The following ADAM10 variants were observed in gnomAD, a reference collection of about 807,000 sequenced individuals.
ADAM10 encodes disintegrin and metalloproteinase domain-containing protein 10.
Under a neutral mutation model 90.1 loss-of-function variants are expected in ADAM10, and 17 were observed. That is an observed-to-expected ratio of 0.19 (90% CI 0.13 to 0.28). The LOEUF is 0.28. ADAM10 is among the 10% of genes least tolerant of loss of function. ADAM10 has a pLI of 1.00. For synonymous variants in ADAM10, 310 were observed against 298.6 expected (o/e 1.04, Z -0.40); for missense variants, 610 against 914.3 (o/e 0.67, Z 4.29).
rs1894810019 is a variant in ADAM10 at position 58,590,868 on chromosome 15, A to G, written c.*6679T>C. The G allele has an allele frequency of 6.6e-6, 1 of 152,252 alleles. No individual in the cohort carries two copies. Among genetic ancestry groups the G allele is most frequent in the South Asian group, 2.1e-4 (1 of 4,832 alleles). The allele number at this position is 152,252 out of a possible 1,614,324, so 9.4% of individuals were successfully genotyped here. On this transcript the variant is annotated 3_prime_UTR_variant, in exon 16 of 16. Coordinates refer to ENST00000260408, the MANE Select transcript of ADAM10 (RefSeq NM_001110.4). ...TCATGCAAATGGAACCACTTTTTATATAAGACAACCTACACTCTTATCAAA... is the reference window on the plus strand; with the variant it reads ...TCATGCAAATGGAACCACTTTTTATGTAAGACAACCTACACTCTTATCAAA...
chr15:58,631,059 C>T lies in ADAM10; in HGVS notation c.1176+2137G>A, dbSNP rs112090074. On this transcript the variant is annotated intron_variant, in intron 9 of 15. Transcript: ENST00000260408. ...AGTACCTCCTCTCTCCTTGACCCCA[C>T]GCTCCCACCACCTCCACTCCCACCA... 1.3e-3 allele frequency among the ~76,000 whole-genome samples: 200 copies of T among 152,148 alleles called. 1 individual carries two copies. The highest frequency in any genetic ancestry group is 4.6e-3 in the African/African-American group (191 of 41,516).
intron 4 of ADAM10, chr15:58,672,909 G>T (rs1415151987): frequency 3.3e-5 from 6 of 182,040 alleles, no homozygotes; most frequent in Non-Finnish European, 2.4e-5. Context: ...AGAGAAGAAA[G>T]ATGAAGATGA....
chr15:58,645,979 C>T (rs957368400), intron 6 of ADAM10, 76 bp downstream of exon 6: 2 of 1,530,198 alleles, frequency 1.3e-6, no homozygotes, highest in Non-Finnish European at 1.8e-6. Flanking sequence ...AATACACTAA[C>T]TTAAATTTTT....
chr15:58,747,977 A>G (rs1899845293), intron 1 of ADAM10: 1 of 152,252 alleles, frequency 6.6e-6, no homozygotes, highest in Non-Finnish European at 1.5e-5. Flanking sequence ...AAAGATAGGA[A>G]AACGATTTGT....
chr15:58,631,789 T>A (rs999606528), intron 9 of ADAM10, among the ~76,000 whole-genome samples: 23 of 152,200 alleles, frequency 1.5e-4, no homozygotes, highest in African/African-American at 4.8e-4. Flanking sequence ...TCTCTGCTCA[T>A]CTCTAAAATT....
intron 5 of ADAM10, among the ~76,000 whole-genome samples, chr15:58,651,881 T>TC (rs1378055294): frequency 6.6e-6 from 1 of 152,206 alleles, no homozygotes; most frequent in Admixed American, 6.5e-5. Flanking sequence ...TGTGGCGGTT[T>TC]CCTTTTCCCC....
rs200118061 is a variant in ADAM10 at position 58,610,457 on chromosome 15, C to T, written c.1865G>A (p.Arg622Gln). ...GGATCCAGGTTGCAGGGTGATGGTT[C>T]GACCACTGAAGTGCCTACTCCACTG... is the stretch of plus-strand genomic sequence containing the variant. ...SVQWSRHFSG[R>Q]TITLQPGSPC... Residue 622 changes from arginine to glutamine, a missense_variant, in exon 14 of 16, where the codon CGA becomes CAA. By Grantham distance (43) the Arg-to-Gln change is conservative. Around this residue, in one of 4 missense-constraint regions of ADAM10, gnomAD observed 150 missense variants for 268.5 expected, o/e 0.56. Transcript: ENST00000260408. 3 of 1,614,096 alleles carry T rather than the reference C, an allele frequency of 1.9e-6. No homozygotes were observed. The highest frequency in any genetic ancestry group is 2.2e-5 in the East Asian group (1 of 44,866).
chr15:58,653,014 T>C (rs1384420995), intron 5 of ADAM10, among the ~76,000 whole-genome samples: 1 of 152,198 alleles, frequency 6.6e-6, no homozygotes, highest in African/African-American at 2.4e-5. Context: ...TTTCAGACTG[T>C]TTGTTGCTGG....
intron 6 of ADAM10, 139 bp from the exon 7 acceptor site, chr15:58,644,117 A>G: frequency 1.5e-6 from 1 of 671,648 alleles, no homozygotes; most frequent in Non-Finnish European, 2.6e-6. Context: ...TACTGGACAT[A>G]AATATAAAAA....
chr15:58,659,366 T>A (rs750551512), intron 5 of ADAM10, among the ~76,000 whole-genome samples: 1 of 152,170 alleles, frequency 6.6e-6, no homozygotes, highest in Non-Finnish European at 1.5e-5. Context: ...AGGTTTTTTA[T>A]AAAAAGCTCT....
At chr15:58,607,183 C>T (rs1040537451) in intron 14 of ADAM10, among the ~76,000 whole-genome samples, 3 of 152,224 alleles carry the variant, frequency 2.0e-5, no homozygotes, top group African/African-American at 7.2e-5. Flanking sequence ...ATGAGTGGTT[C>T]TTAACCCTGG....
intron 11 of ADAM10, among the ~76,000 whole-genome samples, chr15:58,620,660 A>ATTTTTTTTTTTTTTTTTTTTT (rs570842513): frequency 1.3e-4 from 8 of 59,442 alleles, no homozygotes; most frequent in African/African-American, 8.9e-4. Context: ...AAGAATATGT[A>ATTTTTTTTTTTTTTTTTTTTT]TTTTTTTTTT....
chr15:58,712,937 C>T (rs1753017908), intron 2 of ADAM10, among the ~76,000 whole-genome samples: 1 of 152,112 alleles, frequency 6.6e-6, no homozygotes, highest in East Asian at 1.9e-4. Flanking sequence ...AACACGAGGA[C>T]TGAGAGAAAA....
chr15:58,657,413 A>G (rs928146971), intron 5 of ADAM10, among the ~76,000 whole-genome samples: 2 of 151,906 alleles, frequency 1.3e-5, no homozygotes, highest in Non-Finnish European at 2.9e-5. Flanking sequence ...CTGACTTTAC[A>G]TTTTCAAATA....
intron 14 of ADAM10, among the ~76,000 whole-genome samples, chr15:58,605,260 A>C (rs1451542881): frequency 6.6e-6 from 1 of 152,142 alleles, no homozygotes; most frequent in African/African-American, 2.4e-5. Context: ...TTTCTTCTAA[A>C]TTTTTTCAGG....
chr15:58,700,261 A>G (rs1409474584), intron 2 of ADAM10, among the ~76,000 whole-genome samples: 1 of 152,218 alleles, frequency 6.6e-6, no homozygotes, highest in East Asian at 1.9e-4. Flanking sequence ...ACATTTACAG[A>G]TTTCATACAA....
chr15:58,699,976 G>A lies in ADAM10; in HGVS notation c.206+17601C>T, dbSNP rs554679265. On this transcript the variant is annotated intron_variant, in intron 2 of 15. Transcript: ENST00000260408. The stretch of plus-strand genomic sequence containing the variant: ...ACAGGAAACTCATCTTACCTGTAAA[G>A]ACACACACAGACTGAAAGTAAAGAG... Among the ~76,000 whole-genome samples, 15 of 152,140 alleles carry A rather than the reference G, an allele frequency of 9.9e-5. No individual in the cohort carries two copies. The East Asian group carries it at 2.9e-3, about 29-fold the overall frequency.
intron 5 of ADAM10, among the ~76,000 whole-genome samples, chr15:58,656,149 G>A (rs889283014): frequency 1.3e-5 from 2 of 152,028 alleles, no homozygotes; most frequent in Non-Finnish European, 2.9e-5. Flanking sequence ...TCTGGTTTCC[G>A]CTGGGATGGA....
intron 2 of ADAM10, among the ~76,000 whole-genome samples, chr15:58,706,086 C>A (rs769680448): frequency 1.3e-5 from 2 of 152,044 alleles, no homozygotes; most frequent in Non-Finnish European, 2.9e-5. Context: ...TTGCCTTTTC[C>A]CAAGGGGTTG....
Sources: gnomAD v4.1 joint callset for allele counts (sites outside exome capture counted in the v4.1 genomes callset) on GRCh38, gnomAD v4.1.1 for gene constraint, gnomAD v4.1.1 regional missense constraint, MANE v1.5 for transcripts, NCBI Gene and HGNC (gene_info 2026-07-23, HGNC 2026-07-21) for gene names.